Variants in NLRP5 observed in about 807,000 individuals in gnomAD.
NLRP5 encodes the protein NLR family pyrin domain containing 5.
Under a neutral mutation model 113.1 loss-of-function variants are expected in NLRP5, and 93 were observed. The ratio of observed to expected loss-of-function variants is 0.82; its 90% CI spans 0.70 to 0.98. The LOEUF (loss-of-function observed/expected upper bound fraction) is 0.98. NLRP5 is among the 50% of genes least tolerant of loss of function. NLRP5 has a pLI of 0.00. For synonymous variants in NLRP5, 751 were observed against 600.7 expected (o/e 1.25, Z -3.66); for missense variants, 1,808 against 1,514.3 (o/e 1.19, Z -3.22).
rs78566665 is a variant in NLRP5, at chr19:56,033,444, G to C, written c.2448-98G>C. 1.9e-3 allele frequency: 1,771 copies of C among 944,786 alleles called. 27 individuals carry two copies. The African/African-American group carries it at 0.024, about 13-fold the overall frequency. The allele number at this position is 944,786 out of a possible 1,614,324, so 58.5% of individuals were successfully genotyped here. On this transcript the variant is annotated intron_variant, in intron 8 of 14. Transcript: ENST00000390649. Reference sequence around the variant, plus strand: ...TTTTAAAAGGAAATACAATTAATTAGAAATTTGCAAGTTAGAATGGGAGAA... The same window carrying C: ...TTTTAAAAGGAAATACAATTAATTACAAATTTGCAAGTTAGAATGGGAGAA...
At chr19:56,039,653 C>T (rs1033723148) in intron 10 of NLRP5, among the ~76,000 whole-genome samples, 1 of 152,218 alleles carries the variant, frequency 6.6e-6, no homozygotes, top group African/African-American at 2.4e-5. Flanking sequence ...TGGCTCACGC[C>T]TGTAACCCAG....
In NLRP5 at chr19:56,026,527, C is replaced by CAAAAAA. The variant is rs375845864; in HGVS notation, c.680-369_680-364dup. Among the ~76,000 whole-genome samples the CAAAAAA allele has an allele frequency of 1.3e-3, 52 of 40,310 alleles. 1 individual carries two copies. Among genetic ancestry groups the CAAAAAA allele is most frequent in the African/African-American group, 2.1e-3 (24 of 11,450 alleles). The allele number at this position is 40,310 out of a possible 152,430, so 26.4% of individuals were successfully genotyped here. ...TGGGTGACAGAGCAAGACTCCATCT[C>CAAAAAA]AAAAAAAAAAAAAAAAAAAAAATAG... On this transcript the variant is annotated intron_variant, in intron 6 of 14. Transcript: ENST00000390649.
upstream of NLRP5, among the ~76,000 whole-genome samples, chr19:55,995,149 A>G (rs2123252671): frequency 6.6e-6 from 1 of 152,252 alleles, no homozygotes; most frequent in East Asian, 1.9e-4. Context: ...CATAGGTGGG[A>G]ATTGAACAAT....
intron 6 of NLRP5, among the ~76,000 whole-genome samples, chr19:56,020,972 C>A (rs1369628791): frequency 6.6e-6 from 1 of 151,160 alleles, no homozygotes; most frequent in African/African-American, 2.4e-5. Context: ...CTCCCAGGTT[C>A]AAGCGATTCT....
chr19:56,059,185 G>T (rs567366030), intron 14 of NLRP5, among the ~76,000 whole-genome samples: 14 of 152,324 alleles, frequency 9.2e-5, no homozygotes, highest in South Asian at 2.1e-4. Flanking sequence ...CACCTAGCAG[G>T]AAGTTTCTTC....
In NLRP5 at chr19:56,024,133, T is replaced by C. The variant is rs143720362; in HGVS notation, c.680-2780T>C. 2.4e-4 allele frequency among the ~76,000 whole-genome samples: 36 copies of C among 152,058 alleles called. No individual in the cohort carries two copies. In the East Asian group the frequency reaches 6.8e-3, roughly 29 times the overall value. The stretch of plus-strand genomic sequence containing the variant: ...GTGATAAATGTCAGGTGGTATAAAA[T>C]AATTATAGTTTGTGATAAGTTTCAT... On this transcript the variant is annotated intron_variant, in intron 6 of 14. Coordinates refer to ENST00000390649, the MANE Select transcript of NLRP5 (RefSeq NM_153447.4).
chr19:56,027,823 C>G lies in NLRP5; in HGVS notation c.1590C>G (p.Arg530=), dbSNP rs10419583. Reference sequence around the variant, plus strand: ...TGGAGGAAAGAGTTGTCCTGAAGCGCTTCTGCCGTATGGCTGTGGAGGGAG... The same window carrying G: ...TGGAGGAAAGAGTTGTCCTGAAGCGGTTCTGCCGTATGGCTGTGGAGGGAG... The change falls in exon 7 of 15, where the codon CGC becomes CGG. Residue 530 remains arginine, a synonymous_variant. Transcript: ENST00000390649. The G allele has an allele frequency of 1.2e-3, 1,881 of 1,614,000 alleles. 14 individuals carry two copies. In the African/African-American group the frequency reaches 0.022, roughly 19 times the overall value.
At chr19:56,014,040 T>C (rs1015974734) in intron 3 of NLRP5, among the ~76,000 whole-genome samples, 2 of 152,220 alleles carry the variant, frequency 1.3e-5, no homozygotes, top group Non-Finnish European at 2.9e-5. Flanking sequence ...CTAGATTATG[T>C]AGAGACATAA....
chr19:56,000,262 C>T (rs574266657), intron 1 of NLRP5, among the ~76,000 whole-genome samples: 16 of 152,356 alleles, frequency 1.1e-4, no homozygotes, highest in African/African-American at 3.8e-4. Flanking sequence ...ACTGCTACCT[C>T]GCCACTCTTT....
intron 11 of NLRP5, among the ~76,000 whole-genome samples, chr19:56,045,074 CTTGAA>C (rs1983673118): frequency 6.6e-6 from 1 of 152,192 alleles, no homozygotes; most frequent in South Asian, 2.1e-4. Flanking sequence ...TATCTGGACA[CTTGAA>C]TTATTTTATC....
At chr19:55,991,648 C>G in the NLRP5 span, among the ~76,000 whole-genome samples, 1 of 151,980 alleles carries the variant, frequency 6.6e-6, no homozygotes, top group Admixed American at 6.6e-5. Context: ...TGTTACCAGC[C>G]CAATTTAATA....
intron 2 of NLRP5, among the ~76,000 whole-genome samples, chr19:56,005,748 C>T (rs1399423529): frequency 6.6e-6 from 1 of 152,122 alleles, no homozygotes; most frequent in Non-Finnish European, 1.5e-5. Context: ...AAAAAAGGCC[C>T]AGTGTGGAGG....
chr19:56,033,714 G>A lies in NLRP5; in HGVS notation c.2615+5G>A, dbSNP rs748488321. 1.2e-5 allele frequency: 20 copies of A among 1,603,116 alleles called. No individual in the cohort carries two copies. The highest frequency in any genetic ancestry group is 1.1e-4 in the East Asian group (5 of 44,678). ...ATGTTTGTTGGAGTCTTTGAGGTAC[G>A]TCTCTGGTAGAGCTTTTGCCTTGTT... On this transcript the variant is annotated splice_donor_5th_base_variant and intron_variant, in intron 9 of 14. Transcript: ENST00000390649.
upstream of NLRP5, among the ~76,000 whole-genome samples, chr19:55,994,743 C>G (rs566144214): frequency 3.3e-4 from 50 of 152,242 alleles, no homozygotes; most frequent in Non-Finnish European, 1.8e-4. Flanking sequence ...TACAGAAGCT[C>G]TTTAGTTGGA....
chr19:56,049,289 A>C (rs1599908970), intron 11 of NLRP5, among the ~76,000 whole-genome samples: 1 of 151,590 alleles, frequency 6.6e-6, no homozygotes, highest in Admixed American at 6.6e-5. Flanking sequence ...AAGCGATTCT[A>C]CTGCCTCAGC....
rs1982379300 is a variant in NLRP5, at chr19:56,015,760, A to T, written c.527A>T (p.Gln176Leu). Reference sequence around the variant, plus strand: ...TTTGCAGGAATTTCACAAGCTGTGCAACAAGATAGTGCCACAGCTGCAGAG... The same window carrying T: ...TTTGCAGGAATTTCACAAGCTGTGCTACAAGATAGTGCCACAGCTGCAGAG... The change falls in exon 4 of 15, where the codon CAA becomes CTA. Residue 176 changes from glutamine to leucine, a missense_variant. By Grantham distance (113) the Gln-to-Leu change is moderately radical. Transcript: ENST00000390649. The T allele has an allele frequency of 6.4e-7, 1 of 1,573,590 alleles. No homozygotes were observed. Among genetic ancestry groups the T allele is most frequent in the Admixed American group, 1.8e-5 (1 of 54,220 alleles).
intron 1 of NLRP5, among the ~76,000 whole-genome samples, chr19:56,002,545 A>G (rs1981696298): frequency 1.3e-5 from 2 of 151,326 alleles, no homozygotes; most frequent in African/African-American, 4.9e-5. Context: ...TACACGTGCC[A>G]TGTTGGTGTG....
chr19:56,030,683 T>A (rs1335590989), intron 7 of NLRP5, among the ~76,000 whole-genome samples: 1 of 149,488 alleles, frequency 6.7e-6, no homozygotes, highest in African/African-American at 2.5e-5. Flanking sequence ...AGCTACCCTG[T>A]GCTATACTTA....
rs149665408 is a variant in NLRP5 at position 56,021,156 on chromosome 19, C to T, written c.679+725C>T. Among the ~76,000 whole-genome samples the T allele has an allele frequency of 1.4e-3, 218 of 152,174 alleles. 1 individual carries two copies. The highest frequency in any genetic ancestry group is 4.0e-3 in the African/African-American group (166 of 41,518). On this transcript the variant is annotated intron_variant, in intron 6 of 14. Transcript: ENST00000390649. ...AAGTGCTGGGATTACAGGCATTTGC[C>T]GCTGTGCCCAGCTGCCTTCATGGCA...
Sources: allele counts gnomAD v4.1 joint callset (sites outside exome capture counted in the v4.1 genomes callset), GRCh38; gene constraint gnomAD v4.1.1; transcripts MANE v1.5; gene names NCBI Gene and HGNC (gene_info 2026-07-23, HGNC 2026-07-21).